GNE: variants seen among roughly 807,000 people sequenced by gnomAD.
The protein encoded by GNE is bifunctional UDP-N-acetylglucosamine 2-epimerase/N-acetylmannosamine kinase.
Under a neutral mutation model 61.8 loss-of-function variants are expected in GNE, and 41 were observed. That is an observed-to-expected ratio of 0.66 (90% CI 0.52 to 0.86). The LOEUF (loss-of-function observed/expected upper bound fraction) is 0.86. Ranked by LOEUF, GNE falls within the 40% of genes least tolerant of loss-of-function variation. The pLI, the probability that GNE is intolerant of heterozygous loss-of-function variation, is 0.00. For synonymous variants in GNE, 264 were observed against 326.4 expected, an observed-to-expected ratio of 0.81 and a Z score of 2.06; for missense variants, 608 against 909.1, an observed-to-expected ratio of 0.67 and a Z score of 4.26.
rs778179635 is a variant in GNE at position 36,229,029 on chromosome 9, C to A, written c.1062G>T (p.Gln354His). 1.3e-6 allele frequency: 2 copies of A among 1,588,044 alleles called. No individual in the cohort carries two copies. The highest frequency in any genetic ancestry group is 2.2e-5 in the South Asian group (2 of 90,534). The change falls in exon 6 of 12, where the codon CAG becomes CAT. Residue 354 changes from glutamine (Q) to histidine (H), a missense_variant. Coordinates refer to ENST00000642385, the MANE Select transcript of GNE (RefSeq NM_005476.7). The part of the protein sequence containing the change: ...LQALHLQFGK[Q>H]YPCSKIYGDG... ...GAATGTTTTATACTCACCAAGGGTA[C>A]TGTTTACCAAACTGAAGGTGCAGTG...
intron 3 of GNE, among the ~76,000 whole-genome samples, chr9:36,243,660 T>C (rs916938062): frequency 5.9e-5 from 9 of 151,934 alleles, no homozygotes; most frequent in African/African-American, 2.2e-4. Context: ...CTGGGCAAAA[T>C]AGTGAGACCC....
intron 1 of GNE, among the ~76,000 whole-genome samples, chr9:36,257,149 C>T (rs1232670086): frequency 6.6e-6 from 1 of 151,964 alleles, no homozygotes; most frequent in Admixed American, 6.6e-5. Flanking sequence ...TTGAGAGAAC[C>T]GAAAATCAAA....
In GNE at chr9:36,233,927, T is replaced by C. The variant is rs758966843; in HGVS notation, c.975A>G (p.Arg325=). 5 of 1,612,486 alleles carry C rather than the reference T, an allele frequency of 3.1e-6. No homozygotes were observed. In the South Asian group the frequency reaches 5.5e-5, roughly 18 times the overall value. The change falls in exon 5 of 12, where the codon AGA becomes AGG. Residue 325 remains arginine, a synonymous_variant. Transcript: ENST00000642385. The stretch of plus-strand genomic sequence containing the variant: ...ATGAGCAAAGGTAAATACCTGTTTC[T>C]CTTCCAATCTGACGTGTTCCCAGGT... The part of the protein sequence containing the change: ...VINLGTRQIG[R]ETGENVLHVR...
chr9:36,254,231 A>AATAT (rs1289386565), intron 1 of GNE, among the ~76,000 whole-genome samples: 1 of 150,728 alleles, frequency 6.6e-6, no homozygotes, highest in Non-Finnish European at 1.5e-5. Context: ...TAAATAAATA[A>AATAT]AAACAAGAAA....
At chr9:36,276,046 G>A (rs1336345934) in intron 1 of GNE, among the ~76,000 whole-genome samples, 1 of 152,104 alleles carries the variant, frequency 6.6e-6, no homozygotes, top group Non-Finnish European at 1.5e-5. Context: ...GGTAGTCTGT[G>A]TCTGTAGTCC....
rs1165763296 is a variant in GNE, at chr9:36,216,138, T to G, written c.*1227A>C. 1 of 356,400 alleles carries G rather than the reference T, an allele frequency of 2.8e-6. No homozygotes were observed. 22.1% of individuals were successfully genotyped at this position (356,400 alleles called of 1,614,324 possible). A position where few individuals can be genotyped will look rare whatever the true frequency, so the allele number is the denominator to read the frequency against. The stretch of plus-strand genomic sequence containing the variant: ...ATCTGAGATGGGGGAGTGATAGATA[T>G]GTCCAGTGTCTTGATTGTGGTGATG... On this transcript the variant is annotated 3_prime_UTR_variant, in exon 12 of 12. Coordinates refer to ENST00000642385, the MANE Select transcript of GNE (RefSeq NM_005476.7).
intron 1 of GNE, among the ~76,000 whole-genome samples, chr9:36,268,543 T>C (rs1427826291): frequency 6.6e-6 from 1 of 151,774 alleles, no homozygotes; most frequent in Non-Finnish European, 1.5e-5. Context: ...GGCATGCACC[T>C]GGAGTAACTA....
At chr9:36,270,619 A>G (rs914340355) in intron 1 of GNE, among the ~76,000 whole-genome samples, 116 of 148,518 alleles carry the variant, frequency 7.8e-4, no homozygotes, top group African/African-American at 2.9e-3. Context: ...CTGGGTTCAC[A>G]CCATTCTCCT....
chr9:36,258,801 T>TAA (rs1482782450), upstream of GNE, among the ~76,000 whole-genome samples: 2 of 152,184 alleles, frequency 1.3e-5, no homozygotes, highest in Non-Finnish European at 2.9e-5. Context: ...CGCCTCTTGT[T>TAA]CCCTCAGTTA....
chr9:36,259,952 A>T (rs1169290012), upstream of GNE, among the ~76,000 whole-genome samples: 7 of 152,064 alleles, frequency 4.6e-5, no homozygotes, highest in Non-Finnish European at 1.0e-4. Context: ...ATGAGCCACC[A>T]CACCAGGCCC....
Position 36,219,932 on chromosome 9 carries a change from CA to C in GNE, c.1721del (p.Leu574ArgfsTer69), listed in dbSNP as rs1249494014. 1 of 1,614,168 alleles carries C rather than the reference CA, an allele frequency of 6.2e-7. No homozygotes were observed. The highest frequency in any genetic ancestry group is 1.7e-5 in the Admixed American group (1 of 60,026). ...AAELGHLVVSLDGPDCSCGSH... is the reference protein window; with the variant it reads ...AAELGHLVVSXDGPDCSCGSH... ...TTCCACAGGAACAATCAGGCCCATC[CA>C]GAGACACAACAAGGTGGCCCAGTTC... On this transcript the variant is annotated frameshift_variant, in exon 10 of 12. Coordinates refer to ENST00000642385, the MANE Select transcript of GNE (RefSeq NM_005476.7). LOFTEE classifies it high-confidence loss of function.
chr9:36,257,858 T>C (rs1178288428), intron 1 of GNE, among the ~76,000 whole-genome samples: 1 of 111,936 alleles, frequency 8.9e-6, no homozygotes, highest in African/African-American at 3.7e-5. Context: ...GGCGGGGAAT[T>C]AACGTTTCTC....
intron 3 of GNE, among the ~76,000 whole-genome samples, chr9:36,238,256 T>C (rs1046475762): frequency 2.0e-5 from 3 of 152,226 alleles, no homozygotes; most frequent in Non-Finnish European, 4.4e-5. Context: ...CGTGTGCAAG[T>C]ATCTTTTTCA....
chr9:36,271,890 T>C (rs1305719956), intron 1 of GNE, among the ~76,000 whole-genome samples: 1 of 152,172 alleles, frequency 6.6e-6, no homozygotes, highest in African/African-American at 2.4e-5. Context: ...TCATAGTTCC[T>C]TGAATCATAC....
chr9:36,236,836 G>A lies in GNE; in HGVS notation c.765C>T (p.Asp255=), dbSNP rs775805166. ...TTCATTTTCAAGTTCAATTACCTGC[G>A]TCAATATTTGGAAACAGGACTAGGG... The part of the protein sequence containing the change: ...KRTLVLFPNI[D]AGSKEMVRVM... The change falls in exon 4 of 12, where the codon GAC becomes GAT. Residue 255 remains aspartate, a synonymous_variant. Transcript: ENST00000642385. 2.2e-5 allele frequency: 35 copies of A among 1,613,260 alleles called. No individual in the cohort carries two copies. The highest frequency in any genetic ancestry group is 3.3e-5 in the Admixed American group (2 of 59,996).
At chr9:36,265,106 G>T (rs1178502316) in intron 1 of GNE, 2 of 288,542 alleles carry the variant, frequency 6.9e-6, no homozygotes, top group Admixed American at 4.2e-5. Context: ...ATCCAGCGAG[G>T]CGCCCACTGC....
intron 1 of GNE, among the ~76,000 whole-genome samples, chr9:36,266,005 T>G (rs887317162): frequency 6.6e-6 from 1 of 152,176 alleles, no homozygotes; most frequent in East Asian, 1.9e-4. Flanking sequence ...TCTTGGCTTC[T>G]TGGCTCACTG....
At chr9:36,221,311 TTAAA>T (rs759798215) in intron 9 of GNE, among the ~76,000 whole-genome samples, 15 of 152,004 alleles carry the variant, frequency 9.9e-5, no homozygotes, top group Non-Finnish European at 1.5e-4. Flanking sequence ...GACTCACTCT[TTAAA>T]TAAATAAATA....
Position 36,258,406 on chromosome 9 carries a change from C to A in GNE, c.-128G>T. On this transcript the variant is annotated 5_prime_UTR_variant, in exon 1 of 12. Coordinates refer to ENST00000642385, the MANE Select transcript of GNE (RefSeq NM_005476.7). ...CAAGCGCCACGAAGCAGGCAGAGCG[C>A]GAGCCTGCCCCTCGGTTTCCGCGCT... is the stretch of plus-strand genomic sequence containing the variant. 1 of 985,494 alleles carries A rather than the reference C, an allele frequency of 1.0e-6. No homozygotes were observed. The highest frequency in any genetic ancestry group is 1.2e-6 in the Non-Finnish European group (1 of 829,962). The allele number at this position is 985,494 out of a possible 1,614,324, so 61.0% of individuals were successfully genotyped here.
Sources: gnomAD v4.1 joint callset for allele counts (sites outside exome capture counted in the v4.1 genomes callset) on GRCh38, gnomAD v4.1.1 for gene constraint, MANE v1.5 for transcripts, NCBI Gene and HGNC (gene_info 2026-07-23, HGNC 2026-07-21) for gene names.